The following KCNMA1 variants were observed in gnomAD, a reference collection of about 807,000 sequenced individuals.
KCNMA1 encodes potassium calcium-activated channel subfamily M alpha 1, also known as Calcium-activated potassium channel subunit alpha-1.
KCNMA1 carries 29 observed loss-of-function variants against 140.0 expected under a neutral mutation model. The observed-to-expected ratio is 0.21, with a 90% CI of 0.15 to 0.28. The LOEUF is 0.28. KCNMA1 is among the 10% of genes least tolerant of loss of function. The probability of loss-of-function intolerance (pLI) is 1.00; values close to 1 mark genes in which losing one functional copy is unlikely to be tolerated. For synonymous variants in KCNMA1, 612 were observed against 611.9 expected, an observed-to-expected ratio of 1.00 and a Z score of 0.00; for missense variants, 880 against 1,602.2, an observed-to-expected ratio of 0.55 and a Z score of 7.70.
intron 1 of KCNMA1, among the ~76,000 whole-genome samples, chr10:77,463,999 A>G (rs2097928380): frequency 6.6e-6 from 1 of 152,136 alleles, no homozygotes; most frequent in South Asian, 2.1e-4. Context: ...CTCATCAGAA[A>G]AACAGAATCT....
chr10:77,309,790 G>A (rs2078774837), intron 2 of KCNMA1: 1 of 152,178 alleles, frequency 6.6e-6, no homozygotes, highest in Non-Finnish European at 1.5e-5. Flanking sequence ...AGGAGACCAA[G>A]GCTCTAGACC....
chr10:77,420,248 T>C (rs1489559722), intron 1 of KCNMA1, among the ~76,000 whole-genome samples: 10 of 152,248 alleles, frequency 6.6e-5, no homozygotes, highest in African/African-American at 2.4e-4. Flanking sequence ...CTTTGCTCTC[T>C]GTAAGCCTCC....
intron 5 of KCNMA1, among the ~76,000 whole-genome samples, chr10:77,173,336 A>G (rs1051800941): frequency 2.6e-5 from 4 of 152,168 alleles, no homozygotes; most frequent in African/African-American, 9.7e-5. Context: ...GCCTGAGATC[A>G]AAGCTGAGCT....
At chr10:77,515,487 G>A (rs146927968) in intron 1 of KCNMA1, among the ~76,000 whole-genome samples, 279 of 152,252 alleles carry the variant, frequency 1.8e-3, no homozygotes, top group African/African-American at 6.6e-3. Context: ...TGGGGAGCAC[G>A]TTCAGAGGTC....
intron 2 of KCNMA1, among the ~76,000 whole-genome samples, chr10:77,362,540 G>A (rs896399042): frequency 6.6e-6 from 1 of 152,092 alleles, no homozygotes; most frequent in Non-Finnish European, 1.5e-5. Context: ...GACTGGGAGG[G>A]ATAAATGGAA....
At chr10:77,381,603 G>A (rs2154429264) in intron 2 of KCNMA1, among the ~76,000 whole-genome samples, 1 of 152,156 alleles carries the variant, frequency 6.6e-6, no homozygotes, top group South Asian at 2.1e-4. Flanking sequence ...AGAGCCTGTT[G>A]GGACCCAGTG....
At chr10:77,260,048 C>G (rs2061626328) in intron 2 of KCNMA1, among the ~76,000 whole-genome samples, 1 of 151,964 alleles carries the variant, frequency 6.6e-6, no homozygotes, top group Non-Finnish European at 1.5e-5. Flanking sequence ...TGAGTGAGAC[C>G]CTGAAGTTTA....
chr10:77,502,750 C>T (rs760491340), intron 1 of KCNMA1, among the ~76,000 whole-genome samples: 8 of 152,158 alleles, frequency 5.3e-5, no homozygotes, highest in Non-Finnish European at 1.0e-4. Context: ...TCAATTTTCC[C>T]ACCTGGAAAA....
chr10:77,082,001 TCTTTTC>T (rs1565974888), intron 12 of KCNMA1, among the ~76,000 whole-genome samples: 1,299 of 47,890 alleles, frequency 0.027, 50 homozygotes, highest in Middle Eastern at 0.11. Flanking sequence ...TTTCTTTTTT[TCTTTTC>T]TTTTTTTTTT....
At chr10:77,588,706 T>C (rs2078042023) in intron 1 of KCNMA1, among the ~76,000 whole-genome samples, 2 of 152,232 alleles carry the variant, frequency 1.3e-5, no homozygotes, top group Non-Finnish European at 2.9e-5. Context: ...TATTATCTTC[T>C]TTCTGTAGAG....
intron 2 of KCNMA1, among the ~76,000 whole-genome samples, chr10:77,398,040 G>A (rs1311158714): frequency 1.4e-5 from 2 of 144,008 alleles, no homozygotes; most frequent in Non-Finnish European, 3.0e-5. Flanking sequence ...ATATATGCAT[G>A]TGTGTGTATA....
intron 1 of KCNMA1, among the ~76,000 whole-genome samples, chr10:77,451,126 T>C (rs990901691): frequency 6.6e-6 from 1 of 152,082 alleles, no homozygotes; most frequent in Non-Finnish European, 1.5e-5. Flanking sequence ...ACTAGCAGCA[T>C]GAGAACAGAA....
chr10:77,173,524 ATGTAATATG>A (rs1323735078), intron 5 of KCNMA1, among the ~76,000 whole-genome samples: 2 of 152,164 alleles, frequency 1.3e-5, no homozygotes, highest in Non-Finnish European at 1.5e-5. Context: ...ATACACATAT[ATGTAATATG>A]TGTAATATGA....
At chr10:76,946,309 G>C (rs888089362) in intron 22 of KCNMA1, among the ~76,000 whole-genome samples, 3 of 152,180 alleles carry the variant, frequency 2.0e-5, no homozygotes, top group African/African-American at 7.2e-5. Flanking sequence ...TGGTCCTCTA[G>C]CTTGAATCTA....
At chr10:77,635,524 G>A (rs2093649985) in intron 1 of KCNMA1, 1 of 152,166 alleles carries the variant, frequency 6.6e-6, no homozygotes. Context: ...CAAAATTCCC[G>A]AGACTGTTGG....
intron 2 of KCNMA1, among the ~76,000 whole-genome samples, chr10:77,295,834 G>A (rs1184516215): frequency 1.4e-5 from 2 of 143,124 alleles, no homozygotes; most frequent in East Asian, 2.0e-4. Flanking sequence ...TCAGCTCTGG[G>A]AAGGAAAAAT....
chr10:76,893,545 G>C (rs1263401795), intron 25 of KCNMA1, among the ~76,000 whole-genome samples: 1 of 152,076 alleles, frequency 6.6e-6, no homozygotes. Flanking sequence ...GTTGGGACCA[G>C]GCTGGCCAAC....
intron 19 of KCNMA1, among the ~76,000 whole-genome samples, chr10:76,982,647 C>T (rs1052522303): frequency 3.9e-5 from 6 of 152,054 alleles, no homozygotes; most frequent in African/African-American, 1.5e-4. Context: ...TAAGCGTTTA[C>T]ATTCCAAATG....
At chr10:77,464,786 A>C (rs952540647) in intron 1 of KCNMA1, among the ~76,000 whole-genome samples, 2 of 152,222 alleles carry the variant, frequency 1.3e-5, no homozygotes, top group Admixed American at 1.3e-4. Flanking sequence ...CAGGAAGGGA[A>C]AAGACATTCT....
Sources: gnomAD v4.1 joint callset for allele counts (sites outside exome capture counted in the v4.1 genomes callset) on GRCh38, gnomAD v4.1.1 for gene constraint, MANE v1.5 for transcripts, NCBI Gene and HGNC (gene_info 2026-07-23, HGNC 2026-07-21) for gene names.